The following RAP1A variants were observed in gnomAD, a reference collection of about 807,000 sequenced individuals.
RAP1A encodes the protein RAP1A, member of RAS oncogene family.
A neutral mutation model predicts 26.4 loss-of-function variants in RAP1A; 6 were observed. That is an observed-to-expected ratio of 0.23 (90% CI 0.12 to 0.45). RAP1A has a LOEUF of 0.45. Ranked by LOEUF, RAP1A falls within the 20% of genes least tolerant of loss-of-function variation. The probability of loss-of-function intolerance (pLI) is 0.99; values close to 1 mark genes in which losing one functional copy is unlikely to be tolerated. For missense variants in RAP1A, 121 were observed against 217.2 expected (o/e 0.56, Z 2.78); for synonymous variants, 73 against 79.4 (o/e 0.92, Z 0.43).
At chr1:111,704,165 G>A (rs1037425600) in intron 5 of RAP1A, among the ~76,000 whole-genome samples, 178 bp from the exon 6 acceptor site, 1 of 60,910 alleles carries the variant, frequency 1.6e-5, no homozygotes, top group Non-Finnish European at 3.7e-5. Context: ...TTTTTTTTTT[G>A]TCTCTTCCTT....
intron 1 of RAP1A, among the ~76,000 whole-genome samples, chr1:111,589,463 T>G (rs1658431927): frequency 6.6e-6 from 1 of 152,124 alleles, no homozygotes; most frequent in Non-Finnish European, 1.5e-5. Flanking sequence ...CAACATACCT[T>G]TCACCATTAT....
intron 1 of RAP1A, among the ~76,000 whole-genome samples, chr1:111,641,561 C>T (rs552676308): frequency 4.1e-4 from 62 of 151,968 alleles, no homozygotes; most frequent in Non-Finnish European, 8.5e-4. Context: ...ATATGGTTTG[C>T]GGGAAAGCAA....
At position 111,712,500 on chromosome 1, in the gene RAP1A, T is replaced by G. The variant is rs911331303; in HGVS notation, c.*99T>G. The G allele has an allele frequency of 6.6e-6, 1 of 152,494 alleles. No individual in the cohort carries two copies. Among genetic ancestry groups the G allele is most frequent in the Non-Finnish European group, 1.5e-5 (1 of 67,920 alleles). 9.4% of individuals were successfully genotyped at this position (152,494 alleles called of 1,614,324 possible). On this transcript the variant is annotated 3_prime_UTR_variant, in exon 8 of 8. Transcript: ENST00000369709. ...TTCCAGACTTCAAAAATAAAAAATC[T>G]GAAGAGGCTTCTCCTGTTTTATATA...
At chr1:111,646,733 G>A (rs1660082517) in intron 1 of RAP1A, among the ~76,000 whole-genome samples, 2 of 152,166 alleles carry the variant, frequency 1.3e-5, no homozygotes, top group South Asian at 4.1e-4. Context: ...TAGAGACGGG[G>A]TTTCACTGTG....
chr1:111,622,879 G>A (rs1490567899), intron 1 of RAP1A, among the ~76,000 whole-genome samples: 2 of 152,102 alleles, frequency 1.3e-5, no homozygotes, highest in Non-Finnish European at 2.9e-5. Context: ...TAATAGTTAA[G>A]TTACTCCAGA....
rs1163017012 is a variant in RAP1A, at chr1:111,704,388, C to T, written c.370C>T (p.Arg124Ter). ...VGNKCDLEDE[R>*]VVGKEQGQNL... ...CAATAAATGTGACCTGGAAGATGAGCGAGTAGTTGGCAAAGAGCAGGGCCA... is the reference window on the plus strand; with the variant it reads ...CAATAAATGTGACCTGGAAGATGAGTGAGTAGTTGGCAAAGAGCAGGGCCA... The change falls in exon 6 of 8, where the codon CGA becomes TGA. Residue 124 changes from arginine to a stop codon, truncating the protein, a stop_gained. Transcript: ENST00000369709. LOFTEE classifies it high-confidence loss of function. 6 of 1,613,604 alleles carry T rather than the reference C, an allele frequency of 3.7e-6. No homozygotes were observed. In the Admixed American group the frequency reaches 8.3e-5, roughly 22 times the overall value.
intron 1 of RAP1A, among the ~76,000 whole-genome samples, chr1:111,579,387 G>GA (rs1430306558): frequency 6.6e-6 from 1 of 152,100 alleles, no homozygotes; most frequent in African/African-American, 2.4e-5. Flanking sequence ...TAGGAACCAG[G>GA]AAAAAAGACC....
chr1:111,630,192 C>G (rs1659526064), intron 1 of RAP1A, among the ~76,000 whole-genome samples: 1 of 152,154 alleles, frequency 6.6e-6, no homozygotes, highest in South Asian at 2.1e-4. Flanking sequence ...ATGCTTCTAT[C>G]CCAAAGGATT....
chr1:111,562,938 A>G (rs1000876824), intron 1 of RAP1A, among the ~76,000 whole-genome samples: 5 of 152,220 alleles, frequency 3.3e-5, no homozygotes, highest in African/African-American at 9.6e-5. Flanking sequence ...GTCTCTTACT[A>G]TGTACCAGGT....
chr1:111,585,273 A>G (rs955756120), intron 1 of RAP1A, among the ~76,000 whole-genome samples: 4 of 152,244 alleles, frequency 2.6e-5, no homozygotes, highest in Non-Finnish European at 4.4e-5. Flanking sequence ...ATTACTCTCT[A>G]TATCTCTTTT....
At chr1:111,602,106 G>T (rs79439087) in intron 1 of RAP1A, 1 of 152,222 alleles carries the variant, frequency 6.6e-6, no homozygotes, top group Non-Finnish European at 1.5e-5. Context: ...GCCAAACAGC[G>T]TTTGCAAACA....
intron 1 of RAP1A, among the ~76,000 whole-genome samples, chr1:111,630,684 T>A (rs1245345429): frequency 6.6e-6 from 1 of 152,074 alleles, no homozygotes; most frequent in Non-Finnish European, 1.5e-5. Context: ...TAACAGTATA[T>A]AAGAAGAATG....
At chr1:111,546,064 A>G (rs952368668) in intron 1 of RAP1A, among the ~76,000 whole-genome samples, 4 of 152,080 alleles carry the variant, frequency 2.6e-5, no homozygotes, top group African/African-American at 7.2e-5. Context: ...TGAGTCCTTC[A>G]ATTTTTTCTT....
chr1:111,658,860 T>G (rs1660545484), intron 1 of RAP1A, among the ~76,000 whole-genome samples: 1 of 152,260 alleles, frequency 6.6e-6, no homozygotes, highest in Admixed American at 6.5e-5. Context: ...GCTATAATAA[T>G]GGATTCATCT....
At chr1:111,705,343 G>A (rs519412) in intron 6 of RAP1A, among the ~76,000 whole-genome samples, 1 of 152,108 alleles carries the variant, frequency 6.6e-6, no homozygotes, top group Admixed American at 6.5e-5. Context: ...GAGAGTGAGA[G>A]TGGGTTAAGT....
At chr1:111,704,279 A>G (rs2101291877) in intron 5 of RAP1A, 64 bp from the exon 6 acceptor site, 1 of 1,508,736 alleles carries the variant, frequency 6.6e-7, no homozygotes, top group East Asian at 2.4e-5. Context: ...TTGCTTATTT[A>G]TTTTTTTAAA....
rs966638178 is a variant in RAP1A, at chr1:111,713,675, T to C, written c.*1274T>C. Reference sequence around the variant, plus strand: ...ATGAAATAGTATGGTAGTAGTAATATGGAAGAGATTGCTAAGTTAAAATTG... The same window carrying C: ...ATGAAATAGTATGGTAGTAGTAATACGGAAGAGATTGCTAAGTTAAAATTG... On this transcript the variant is annotated 3_prime_UTR_variant, in exon 8 of 8. Coordinates refer to ENST00000369709, the MANE Select transcript of RAP1A (RefSeq NM_002884.4). The C allele has an allele frequency of 3.3e-5, 5 of 152,222 alleles. No homozygotes were observed. The highest frequency in any genetic ancestry group is 7.2e-5 in the African/African-American group (3 of 41,462). 9.4% of individuals were successfully genotyped at this position (152,222 alleles called of 1,614,324 possible).
chr1:111,648,372 G>A, intron 1 of RAP1A: 15 of 638,948 alleles, frequency 2.3e-5, no homozygotes, highest in South Asian at 2.2e-4. Context: ...TGGATGGTTC[G>A]CATGGAGTTG....
intron 1 of RAP1A, among the ~76,000 whole-genome samples, chr1:111,682,770 C>A (rs1421991573): frequency 7.9e-5 from 12 of 152,142 alleles, no homozygotes; most frequent in African/African-American, 2.9e-4. Context: ...ATCAACGAGA[C>A]AGAAAATTGG....
Sources: allele counts gnomAD v4.1 joint callset (sites outside exome capture counted in the v4.1 genomes callset), GRCh38; gene constraint gnomAD v4.1.1; transcripts MANE v1.5; gene names NCBI Gene and HGNC (gene_info 2026-07-23, HGNC 2026-07-21).